Variants in RIMS2 observed in about 807,000 individuals in gnomAD.
The protein encoded by RIMS2 is regulating synaptic membrane exocytosis 2.
In RIMS2, 59 loss-of-function variants were observed where a neutral mutation model predicts 174.4. The observed-to-expected ratio is 0.34, with a 90% CI of 0.27 to 0.42. The LOEUF (loss-of-function observed/expected upper bound fraction) is 0.42, where lower values mean the gene tolerates loss of function less well. Ranked by LOEUF, RIMS2 falls within the 10% of genes least tolerant of loss-of-function variation. RIMS2 has a pLI of 1.00. For synonymous variants in RIMS2, 606 were observed against 572.5 expected, an observed-to-expected ratio of 1.06 and a Z score of -0.84; for missense variants, 1,620 against 1,666.3, an observed-to-expected ratio of 0.97 and a Z score of 0.48.
At chr8:104,012,486 A>G (rs2095795403) in intron 17 of RIMS2, among the ~76,000 whole-genome samples, 1 of 151,914 alleles carries the variant, frequency 6.6e-6, no homozygotes, top group Non-Finnish European at 1.5e-5. Context: ...TCTATATTAT[A>G]TAAGCATTTC....
At chr8:104,186,073 C>G (rs2098966473) in intron 19 of RIMS2, among the ~76,000 whole-genome samples, 1 of 151,518 alleles carries the variant, frequency 6.6e-6, no homozygotes, top group Non-Finnish European at 1.5e-5. Context: ...AGAATGAAAT[C>G]AATTCTTTGC....
intron 1 of RIMS2, among the ~76,000 whole-genome samples, chr8:103,696,567 T>C (rs1590563181): frequency 2.6e-5 from 4 of 152,266 alleles, no homozygotes; most frequent in Non-Finnish European, 2.9e-5. Flanking sequence ...TTATTTAATA[T>C]GTATATTAGA....
At chr8:103,989,802 C>G (rs184317321) in intron 17 of RIMS2, among the ~76,000 whole-genome samples, 3 of 152,054 alleles carry the variant, frequency 2.0e-5, no homozygotes, top group Non-Finnish European at 4.4e-5. Flanking sequence ...ATTTTAAAGT[C>G]TTTTACATTC....
At chr8:103,679,737 A>C (rs567419092) in intron 1 of RIMS2, among the ~76,000 whole-genome samples, 2 of 152,116 alleles carry the variant, frequency 1.3e-5, no homozygotes, top group Admixed American at 1.3e-4. Context: ...CAATAACTTT[A>C]TGAGATAAGA....
At chr8:103,808,419 G>A (rs182128932) in intron 3 of RIMS2, among the ~76,000 whole-genome samples, 2 of 152,136 alleles carry the variant, frequency 1.3e-5, no homozygotes, top group East Asian at 1.9e-4. Context: ...TTATCTCCGG[G>A]TGATCTCATC....
chr8:103,522,225 T>A (rs1294354009), intron 1 of RIMS2, among the ~76,000 whole-genome samples: 4 of 152,164 alleles, frequency 2.6e-5, no homozygotes, highest in Admixed American at 2.0e-4. Context: ...ACCTAACTAA[T>A]ATTAAGATTT....
chr8:103,827,563 G>T lies in RIMS2; in HGVS notation c.699-57735G>T, dbSNP rs149853430. Among the ~76,000 whole-genome samples the T allele has an allele frequency of 9.1e-3, 1,387 of 152,294 alleles. 11 individuals are homozygous for T. The highest frequency in any genetic ancestry group is 0.015 in the Non-Finnish European group (992 of 67,998). ...AAAAATAATCACGAATGGGTTGGGC[G>T]CAGTGGCTCACGCCTGTGATCCCAG... On this transcript the variant is annotated intron_variant, in intron 3 of 23. Coordinates refer to ENST00000504942, the Ensembl canonical transcript of RIMS2.
At chr8:104,252,111 T>C (rs1388168277), downstream of RIMS2, 1 of 436,106 alleles carries the variant, frequency 2.3e-6, no homozygotes, top group East Asian at 3.8e-5. Context: ...TCAGTCAGTT[T>C]CATGCAACAG....
At chr8:103,655,567 A>C (rs1269947938) in intron 1 of RIMS2, among the ~76,000 whole-genome samples, 1 of 152,150 alleles carries the variant, frequency 6.6e-6, no homozygotes, top group Non-Finnish European at 1.5e-5. Context: ...TGATTAATAA[A>C]TGTACTTTTG....
rs1340847687 is a variant in RIMS2, at chr8:103,970,223, T to A, written c.2771-5127T>A. Reference sequence around the variant, plus strand: ...TAGTGAGCCTCTGGATTGTGAAAATTTCAAGTGGTTCTCATTTTTTCCCTC... The same window carrying A: ...TAGTGAGCCTCTGGATTGTGAAAATATCAAGTGGTTCTCATTTTTTCCCTC... On this transcript the variant is annotated intron_variant, in intron 15 of 23. Transcript: ENST00000504942. Among the ~76,000 whole-genome samples the A allele has an allele frequency of 2.0e-5, 3 of 152,294 alleles. No individual in the cohort carries two copies. In the East Asian group the frequency reaches 5.8e-4, roughly 29 times the overall value.
chr8:103,672,621 A>G (rs950222046), intron 1 of RIMS2, among the ~76,000 whole-genome samples: 2 of 152,060 alleles, frequency 1.3e-5, no homozygotes, highest in Non-Finnish European at 2.9e-5. Context: ...CTCACTCACT[A>G]TAGTGAAGAT....
At chr8:103,638,923 A>G (rs1038132112) in intron 1 of RIMS2, among the ~76,000 whole-genome samples, 2 of 151,986 alleles carry the variant, frequency 1.3e-5, no homozygotes, top group African/African-American at 2.4e-5. Flanking sequence ...TCTATCATCT[A>G]TCTTTAAAAT....
chr8:104,213,284 C>T (rs182319912), intron 19 of RIMS2, among the ~76,000 whole-genome samples: 157 of 152,308 alleles, frequency 1.0e-3, no homozygotes, highest in African/African-American at 3.4e-3. Flanking sequence ...GCACTCCAGC[C>T]TGTGCAACAG....
At chr8:104,097,043 C>T (rs568959869) in intron 19 of RIMS2, among the ~76,000 whole-genome samples, 32 of 152,136 alleles carry the variant, frequency 2.1e-4, no homozygotes, top group Admixed American at 1.9e-3. Flanking sequence ...AGTTGATAAA[C>T]ACAATCACAG....
At chr8:103,790,699 G>A (rs2098488962) in intron 3 of RIMS2, among the ~76,000 whole-genome samples, 1 of 152,042 alleles carries the variant, frequency 6.6e-6, no homozygotes, top group South Asian at 2.1e-4. Context: ...TGTGTTCAAT[G>A]GCTATTTATA....
rs1263051517 is a variant in RIMS2, at chr8:103,949,132, AAAAAAAAAAAAAAAAGGG to A, written c.2701+6210_2701+6227del. Among the ~76,000 whole-genome samples, 253 of 141,064 alleles carry A rather than the reference AAAAAAAAAAAAAAAAGGG, an allele frequency of 1.8e-3. 1 individual carries two copies. Among genetic ancestry groups the A allele is most frequent in the African/African-American group, 7.3e-3 (248 of 34,078 alleles). The allele number at this position is 141,064 out of a possible 152,430, so 92.5% of individuals were successfully genotyped here. A position where few individuals can be genotyped will look rare whatever the true frequency, so the allele number is the denominator to read the frequency against. ...ACAGAGTGAGACTCTGTCAAAAAAAAAAAAAAAAAAAAAAAGGGAAAGGGAAAGGGAAAGGGAAAGGGA... is the reference window on the plus strand; with the variant it reads ...ACAGAGTGAGACTCTGTCAAAAAAAAAAAGGGAAAGGGAAAGGGAAAGGGA... On this transcript the variant is annotated intron_variant, in intron 14 of 23. Coordinates refer to ENST00000504942, the Ensembl canonical transcript of RIMS2.
intron 11 of RIMS2, among the ~76,000 whole-genome samples, chr8:103,930,178 CA>C (rs937957892): frequency 2.7e-5 from 4 of 149,016 alleles, no homozygotes; most frequent in South Asian, 2.1e-4. Flanking sequence ...TTCCATTTGG[CA>C]AAAAAAAAGA....
intron 19 of RIMS2, among the ~76,000 whole-genome samples, chr8:104,231,828 G>C (rs998870408): frequency 3.3e-5 from 5 of 152,196 alleles, no homozygotes; most frequent in Non-Finnish European, 5.9e-5. Flanking sequence ...ACATGTGACT[G>C]TTTAAATTTA....
chr8:104,093,711 C>A, intron 19 of RIMS2, 68 bp downstream of exon 24: 1 of 1,236,024 alleles, frequency 8.1e-7, no homozygotes, highest in Non-Finnish European at 1.1e-6. Flanking sequence ...CCCGGATGAA[C>A]ATAAAATTAT....
Sources: allele counts gnomAD v4.1 joint callset (sites outside exome capture counted in the v4.1 genomes callset), GRCh38; gene constraint gnomAD v4.1.1; transcripts MANE v1.5; gene names NCBI Gene and HGNC (gene_info 2026-07-23, HGNC 2026-07-21).